The following ETF1 variants were observed in gnomAD, a reference collection of about 807,000 sequenced individuals.
The protein encoded by ETF1 is eukaryotic peptide chain release factor subunit 1.
In ETF1, 4 loss-of-function variants were observed where a neutral mutation model predicts 55.1. The observed-to-expected ratio is 0.07, with a 90% CI of 0.04 to 0.17. The LOEUF (loss-of-function observed/expected upper bound fraction) is 0.17, where lower values mean the gene tolerates loss of function less well. ETF1 is among the 10% of genes least tolerant of loss of function. The pLI is 1.00. For missense variants in ETF1, 142 were observed against 523.6 expected, an observed-to-expected ratio of 0.27 and a Z score of 7.11; for synonymous variants, 157 against 182.3, an observed-to-expected ratio of 0.86 and a Z score of 1.12.
At chr5:138,519,662 CGA>C (rs1343381709) in intron 2 of ETF1, among the ~76,000 whole-genome samples, 1 of 144,864 alleles carries the variant, frequency 6.9e-6, no homozygotes, top group Non-Finnish European at 1.5e-5. Context: ...GACTTAGTCT[CGA>C]GAAAAAAAAA....
chr5:138,508,784 C>A lies in ETF1; in HGVS notation c.1116G>T (p.Met372Ile). 6.2e-7 allele frequency: 1 copy of A among 1,614,116 alleles called. No individual in the cohort carries two copies. Among genetic ancestry groups the A allele is most frequent in the African/African-American group, 1.3e-5 (1 of 75,024 alleles). ...TGTTAGCAAACCATTCCAACAGGGG[C>A]ATGCTCTCGATAAGCTCATGTTCCT... ...TGQEHELIES[M>I]PLLEWFANNY... The change falls in exon 10 of 11, where the codon ATG becomes ATT. Residue 372 changes from methionine to isoleucine, a missense_variant. Met to Ile is a conservative substitution (Grantham distance 10, BLOSUM62 1). This residue lies in a region of ETF1 where 82 missense variants were observed against 232.9 expected (regional missense o/e 0.35). Coordinates refer to ENST00000360541, the MANE Select transcript of ETF1 (RefSeq NM_004730.4).
At chr5:138,511,381 CACGTACATACACACACACACAT>C in intron 7 of ETF1, 72 bp downstream of exon 7, 1 of 1,498,912 alleles carries the variant, frequency 6.7e-7, no homozygotes, top group East Asian at 2.4e-5. Context: ...TACATACAAT[CACGTACATACACACACACACAT>C]ACACACACAC....
At chr5:138,520,605 TC>T (rs1765195176) in intron 2 of ETF1, among the ~76,000 whole-genome samples, 1 of 151,974 alleles carries the variant, frequency 6.6e-6, no homozygotes, top group African/African-American at 2.4e-5. Flanking sequence ...ATCACTTGAG[TC>T]CAGGAGTTTG....
At chr5:138,531,371 GTGGTA>G (rs1431082708) in intron 2 of ETF1, among the ~76,000 whole-genome samples, 1 of 152,086 alleles carries the variant, frequency 6.6e-6, no homozygotes, top group Non-Finnish European at 1.5e-5. Flanking sequence ...ACACCAATCT[GTGGTA>G]TTCTGTTATA....
At chr5:138,524,663 T>C (rs1001902923) in intron 2 of ETF1, among the ~76,000 whole-genome samples, 5 of 149,082 alleles carry the variant, frequency 3.4e-5, no homozygotes, top group Admixed American at 1.3e-4. Context: ...CTGTAGCCTC[T>C]GCCTCCTGGG....
intron 2 of ETF1, among the ~76,000 whole-genome samples, chr5:138,528,051 C>T (rs1765550941): frequency 6.6e-6 from 1 of 152,138 alleles, no homozygotes; most frequent in Admixed American, 6.5e-5. Flanking sequence ...GGATTACAGG[C>T]GTGAGCCACC....
chr5:138,522,874 C>T (rs1056884322), intron 2 of ETF1, among the ~76,000 whole-genome samples: 3 of 151,764 alleles, frequency 2.0e-5, no homozygotes, highest in African/African-American at 7.3e-5. Context: ...GGCGCAGTGG[C>T]AGGCGCCTGT....
At chr5:138,513,174 A>G (rs1764883063) in intron 5 of ETF1, 1 of 985,354 alleles carries the variant, frequency 1.0e-6, no homozygotes, top group Non-Finnish European at 1.2e-6. Context: ...GGCACCAGTC[A>G]TTACAGGAGG....
intron 2 of ETF1, among the ~76,000 whole-genome samples, chr5:138,538,126 G>A (rs1393468415): frequency 6.7e-6 from 1 of 149,164 alleles, no homozygotes; most frequent in African/African-American, 2.5e-5. Flanking sequence ...CTGACCTCAG[G>A]TGATCCACCT....
chr5:138,532,360 G>C (rs991875897), intron 2 of ETF1, among the ~76,000 whole-genome samples: 1 of 152,198 alleles, frequency 6.6e-6, no homozygotes, highest in Non-Finnish European at 1.5e-5. Context: ...CCGTGTGACC[G>C]AAGGCAAACC....
chr5:138,531,514 G>A (rs1432658270), intron 2 of ETF1, among the ~76,000 whole-genome samples: 2 of 152,154 alleles, frequency 1.3e-5, no homozygotes, highest in African/African-American at 4.8e-5. Context: ...TCCCCCTCAA[G>A]TACTCTGCCA....
In ETF1 at chr5:138,508,084, G is replaced by A. The variant is rs558335632; in HGVS notation, c.*221C>T. 4 of 438,822 alleles carry A rather than the reference G, an allele frequency of 9.1e-6. No individual in the cohort carries two copies. In the South Asian group the frequency reaches 2.9e-4, roughly 32 times the overall value. The allele number at this position is 438,822 out of a possible 1,614,324, so 27.2% of individuals were successfully genotyped here. ...TAAATTAGTCCAAAGTGGCGTTTAG[G>A]AACTTAGTTGTAGGCTGCTGCGCTG... is the stretch of plus-strand genomic sequence containing the variant. On this transcript the variant is annotated 3_prime_UTR_variant, in exon 11 of 11. Transcript: ENST00000360541.
At chr5:138,526,619 C>T (rs1765483272) in intron 2 of ETF1, among the ~76,000 whole-genome samples, 1 of 152,118 alleles carries the variant, frequency 6.6e-6, no homozygotes, top group African/African-American at 2.4e-5. Flanking sequence ...TGACTGCAAC[C>T]TCCGCCTCCC....
chr5:138,527,196 A>C (rs1019959246), intron 2 of ETF1, among the ~76,000 whole-genome samples: 1 of 152,176 alleles, frequency 6.6e-6, no homozygotes, highest in Non-Finnish European at 1.5e-5. Flanking sequence ...CACTATCAAA[A>C]ATAGCTACTC....
At chr5:138,513,814 T>C in intron 4 of ETF1, 108 bp from the exon 5 acceptor site, 3 of 1,282,524 alleles carry the variant, frequency 2.3e-6, no homozygotes, top group African/African-American at 3.0e-5. Context: ...ACCATGCTAT[T>C]AGCACTGTGG....
intron 2 of ETF1, among the ~76,000 whole-genome samples, chr5:138,532,433 A>T (rs1162221988): frequency 6.6e-6 from 1 of 152,208 alleles, no homozygotes; most frequent in Non-Finnish European, 1.5e-5. Context: ...CTACGAGATC[A>T]TATATGTCAA....
chr5:138,526,059 C>A (rs372296411), intron 2 of ETF1, among the ~76,000 whole-genome samples: 1 of 151,854 alleles, frequency 6.6e-6, no homozygotes, highest in Admixed American at 6.6e-5. Context: ...TGGATCTATA[C>A]CCTTAAAGGG....
At chr5:138,540,053 G>A (rs566292087) in intron 2 of ETF1, among the ~76,000 whole-genome samples, 1 of 152,298 alleles carries the variant, frequency 6.6e-6, no homozygotes, top group African/African-American at 2.4e-5. Context: ...TGTAGTTAGT[G>A]AGCCCATTTT....
chr5:138,524,812 A>AAG (rs1379661798), intron 2 of ETF1, among the ~76,000 whole-genome samples: 2 of 151,822 alleles, frequency 1.3e-5, no homozygotes, highest in East Asian at 3.9e-4. Context: ...TCCTGACTTC[A>AAG]TGATCCGCCC....
Sources: allele counts gnomAD v4.1 joint callset (sites outside exome capture counted in the v4.1 genomes callset), GRCh38; gene constraint gnomAD v4.1.1; regional missense constraint gnomAD v4.1.1; transcripts MANE v1.5; gene names NCBI Gene and HGNC (gene_info 2026-07-23, HGNC 2026-07-21).